Variants in ACVR1C observed in about 807,000 individuals in gnomAD.
The protein encoded by ACVR1C is activin A receptor type 1C, also known as activin receptor type-1C.
In ACVR1C, 23 loss-of-function variants were observed where a neutral mutation model predicts 57.9. That is an observed-to-expected ratio of 0.40 (90% CI 0.29 to 0.56). ACVR1C has a LOEUF of 0.56. Among genes scored for constraint, ACVR1C ranks in the 20% least tolerant of loss-of-function variants. The probability of loss-of-function intolerance (pLI) is 0.50; values close to 1 mark genes in which losing one functional copy is unlikely to be tolerated. For synonymous variants in ACVR1C, 214 were observed against 215.3 expected (o/e 0.99, Z 0.05); for missense variants, 480 against 607.9 (o/e 0.79, Z 2.21).
At chr2:157,622,634 A>C (rs1220617372) in intron 1 of ACVR1C, among the ~76,000 whole-genome samples, 1 of 152,152 alleles carries the variant, frequency 6.6e-6, no homozygotes, top group African/African-American at 2.4e-5. Context: ...TGAATTAAAC[A>C]CCTCAAACTA....
At chr2:157,544,335 G>T in intron 5 of ACVR1C, 110 bp downstream of exon 5, 1 of 1,120,418 alleles carries the variant, frequency 8.9e-7, no homozygotes, top group South Asian at 2.1e-5. Flanking sequence ...ATAAGCCACC[G>T]TGCCCAGCCT....
At position 157,541,170 on chromosome 2, in the gene ACVR1C, A is replaced by T; in HGVS notation, c.1145T>A (p.Ile382Asn). The T allele has an allele frequency of 6.2e-7, 1 of 1,614,000 alleles. No homozygotes were observed. The highest frequency in any genetic ancestry group is 1.1e-5 in the South Asian group (1 of 91,084). ...EMLDDTMNVN[I>N]FESFKRADIY... The stretch of plus-strand genomic sequence containing the variant: ...GTCAGCTCGTTTGAAGGACTCAAAG[A>T]TATTCACATTCATTGTATCATCAAG... Residue 382 changes from isoleucine to asparagine, a missense_variant, in exon 7 of 9, where the codon ATC becomes AAC. Transcript: ENST00000243349.
intron 1 of ACVR1C, among the ~76,000 whole-genome samples, chr2:157,601,014 G>C (rs1349863): frequency 0.68 from 103,852 of 152,088 alleles, 36,231 homozygotes; most frequent in East Asian, 0.99. Context: ...ATTGTCATAA[G>C]TATTTCAGAA....
intron 1 of ACVR1C, among the ~76,000 whole-genome samples, chr2:157,600,941 A>C (rs1682265164): frequency 6.6e-6 from 1 of 152,176 alleles, no homozygotes; most frequent in South Asian, 2.1e-4. Flanking sequence ...GAGCTGATGA[A>C]TGGGGAGCAC....
Position 157,530,819 on chromosome 2 carries a change from T to C in ACVR1C, c.*3099A>G, listed in dbSNP as rs551978585. On this transcript the variant is annotated 3_prime_UTR_variant, in exon 9 of 9. Coordinates refer to ENST00000243349, the MANE Select transcript of ACVR1C (RefSeq NM_145259.3). ...AATATTTTAGACATAGAAGAAAGCA[T>C]ACAACAGAATCTGTACCAATTACAA... 6.6e-6 allele frequency: 1 copy of C among 152,220 alleles called. No individual in the cohort carries two copies. The highest frequency in any genetic ancestry group is 6.6e-5 in the Admixed American group (1 of 15,262). The allele number at this position is 152,220 out of a possible 1,614,324, so 9.4% of individuals were successfully genotyped here. A position where few individuals can be genotyped will look rare whatever the true frequency, so the allele number is the denominator to read the frequency against.
rs114266552 is a variant in ACVR1C, at chr2:157,626,409, A to G, written c.73+2163T>C. On this transcript the variant is annotated intron_variant, in intron 1 of 8. Coordinates refer to ENST00000243349, the MANE Select transcript of ACVR1C (RefSeq NM_145259.3). ...ATGTGGGGAATGAGCAGCCAAAGTA[A>G]AAAAGGTTTACTGGTTTATCATGTG... Among the ~76,000 whole-genome samples, 870 of 152,344 alleles carry G rather than the reference A, an allele frequency of 5.7e-3. 7 individuals carry two copies. Among genetic ancestry groups the G allele is most frequent in the African/African-American group, 0.019 (809 of 41,578 alleles).
At chr2:157,570,438 A>G (rs1688490259) in intron 2 of ACVR1C, among the ~76,000 whole-genome samples, 1 of 81,634 alleles carries the variant, frequency 1.2e-5, no homozygotes, top group African/African-American at 5.9e-5. Flanking sequence ...CCGTTTGCAG[A>G]CGACATGATT....
At chr2:157,607,743 G>A (rs1448411771) in intron 1 of ACVR1C, among the ~76,000 whole-genome samples, 2 of 151,436 alleles carry the variant, frequency 1.3e-5, no homozygotes, top group Non-Finnish European at 1.5e-5. Context: ...TTGCCTTCCT[G>A]ATTTTTTCTT....
chr2:157,577,314 A>T lies in ACVR1C; in HGVS notation c.304+9873T>A, dbSNP rs191767926. ...TCAACCCTGTATATTCTCCTAATTT[A>T]AAAAAATCTACTGTAATATCAATTA... On this transcript the variant is annotated intron_variant, in intron 2 of 8. Coordinates refer to ENST00000243349, the MANE Select transcript of ACVR1C (RefSeq NM_145259.3). Among the ~76,000 whole-genome samples, 847 of 152,260 alleles carry T rather than the reference A, an allele frequency of 5.6e-3. 4 individuals are homozygous for T. Among genetic ancestry groups the T allele is most frequent in the Non-Finnish European group, 8.2e-3 (561 of 68,020 alleles).
intron 1 of ACVR1C, among the ~76,000 whole-genome samples, chr2:157,591,435 A>T (rs561255743): frequency 1.6e-4 from 25 of 152,134 alleles, no homozygotes; most frequent in Admixed American, 1.2e-3. Context: ...TGGGTCCAAA[A>T]ATCTTAAACT....
intron 8 of ACVR1C, among the ~76,000 whole-genome samples, chr2:157,538,007 T>C (rs1470570555): frequency 2.6e-5 from 4 of 152,180 alleles, no homozygotes; most frequent in African/African-American, 9.6e-5. Flanking sequence ...GTATAACTTA[T>C]TGAATGTAAA....
At chr2:157,580,082 C>G (rs1280502746) in intron 2 of ACVR1C, among the ~76,000 whole-genome samples, 1 of 151,950 alleles carries the variant, frequency 6.6e-6, no homozygotes, top group Admixed American at 6.6e-5. Flanking sequence ...CACACACACA[C>G]AAACACACAC....
intron 1 of ACVR1C, among the ~76,000 whole-genome samples, chr2:157,594,405 T>A: frequency 7.3e-6 from 1 of 136,172 alleles, no homozygotes. Flanking sequence ...TTACCTATGA[T>A]AGATGAAAAG....
At chr2:157,547,576 G>A (rs1463391843) in intron 4 of ACVR1C, among the ~76,000 whole-genome samples, 2 of 145,676 alleles carry the variant, frequency 1.4e-5, no homozygotes, top group Non-Finnish European at 3.0e-5. Context: ...CAGTGACGGT[G>A]AGCATTTTTT....
rs191483367 is a variant in ACVR1C at position 157,574,224 on chromosome 2, C to T, written c.304+12963G>A. Among the ~76,000 whole-genome samples, 4 of 152,276 alleles carry T rather than the reference C, an allele frequency of 2.6e-5. No homozygotes were observed. The East Asian group carries it at 5.8e-4, about 22-fold the overall frequency. On this transcript the variant is annotated intron_variant, in intron 2 of 8. Transcript: ENST00000243349. ...AATTTATTTCTCATAGTTCTGGAGGCTAGGAAGTCTAAGATCAACATGCCA... is the reference window on the plus strand; with the variant it reads ...AATTTATTTCTCATAGTTCTGGAGGTTAGGAAGTCTAAGATCAACATGCCA...
At chr2:157,564,651 C>G (rs1688317658) in intron 2 of ACVR1C, among the ~76,000 whole-genome samples, 1 of 152,162 alleles carries the variant, frequency 6.6e-6, no homozygotes, top group Non-Finnish European at 1.5e-5. Context: ...AAGACACATG[C>G]ACACATATGT....
At chr2:157,589,939 C>T (rs145699456) in intron 1 of ACVR1C, among the ~76,000 whole-genome samples, 1 of 152,018 alleles carries the variant, frequency 6.6e-6, no homozygotes, top group African/African-American at 2.4e-5. Flanking sequence ...GGAAAGGATA[C>T]TCTATTCAAT....
At chr2:157,599,863 C>A (rs1682242402) in intron 1 of ACVR1C, among the ~76,000 whole-genome samples, 1 of 152,186 alleles carries the variant, frequency 6.6e-6, no homozygotes, top group Non-Finnish European at 1.5e-5. Context: ...ACCACAGGAT[C>A]CCTAATCCAG....
At chr2:157,583,451 C>T (rs971038123) in intron 2 of ACVR1C, among the ~76,000 whole-genome samples, 3 of 152,056 alleles carry the variant, frequency 2.0e-5, no homozygotes, top group African/African-American at 7.2e-5. Context: ...TTATTCTCTG[C>T]AAATTAATCT....
Sources: gnomAD v4.1 joint callset for allele counts (sites outside exome capture counted in the v4.1 genomes callset) on GRCh38, gnomAD v4.1.1 for gene constraint, MANE v1.5 for transcripts, NCBI Gene and HGNC (gene_info 2026-07-23, HGNC 2026-07-21) for gene names.